The following CA12 variants were observed in gnomAD, a reference collection of about 807,000 sequenced individuals.
CA12 encodes the protein carbonic anhydrase 12, also known as carbonate dehydratase XII.
CA12 carries 36 observed loss-of-function variants against 46.8 expected under a neutral mutation model. That is an observed-to-expected ratio of 0.77 (90% CI 0.59 to 1.02). The LOEUF (loss-of-function observed/expected upper bound fraction) is 1.02, where lower values mean the gene tolerates loss of function less well. Ranked by LOEUF, CA12 falls within the 50% of genes least tolerant of loss-of-function variation. CA12 has a pLI of 0.00. For missense variants in CA12, 436 were observed against 451.4 expected, an observed-to-expected ratio of 0.97 and a Z score of 0.31; for synonymous variants, 202 against 187.0, an observed-to-expected ratio of 1.08 and a Z score of -0.65.
intron 2 of CA12, among the ~76,000 whole-genome samples, chr15:63,363,550 C>T (rs971968205): frequency 3.3e-5 from 5 of 152,212 alleles, no homozygotes; most frequent in Non-Finnish European, 7.3e-5. Flanking sequence ...CTTGGTCACC[C>T]TCTGTTCCTC....
intron 2 of CA12, among the ~76,000 whole-genome samples, chr15:63,357,121 C>T (rs1055447194): frequency 3.9e-5 from 6 of 152,150 alleles, no homozygotes; most frequent in African/African-American, 7.2e-5. Flanking sequence ...TGGAACCAAA[C>T]GTATGGCAGA....
chr15:63,344,027 T>TA (rs1406971225), intron 4 of CA12, among the ~76,000 whole-genome samples: 1 of 152,228 alleles, frequency 6.6e-6, no homozygotes, highest in African/African-American at 2.4e-5. Flanking sequence ...ATGGATAACT[T>TA]ATCTTCATGG....
rs893295172 is a variant in CA12, at chr15:63,377,235, G to A, written c.86-1557C>T. Among the ~76,000 whole-genome samples the A allele has an allele frequency of 5.3e-4, 81 of 152,130 alleles. 1 individual carries two copies. The highest frequency in any genetic ancestry group is 4.4e-5 in the Non-Finnish European group (3 of 68,012). ...GTGTGTCTCAGGTGACTCATCCAAT[G>A]AGGGGACTGTGCAACTCCTAAATCC... On this transcript the variant is annotated intron_variant, in intron 1 of 10. Coordinates refer to ENST00000178638, the MANE Select transcript of CA12 (RefSeq NM_001218.5).
rs925895536 is a variant in CA12, at chr15:63,328,306, A to G, written c.875-176T>C. Among the ~76,000 whole-genome samples, 6 of 151,276 alleles carry G rather than the reference A, an allele frequency of 4.0e-5. No homozygotes were observed. The highest frequency in any genetic ancestry group is 7.4e-5 in the Non-Finnish European group (5 of 67,988). On this transcript the variant is annotated intron_variant, in intron 8 of 10. Coordinates refer to ENST00000178638, the MANE Select transcript of CA12 (RefSeq NM_001218.5). This position sits in a 1 kb window ranked among gnomAD's most constrained non-coding sequence, Gnocchi z 5.9. ...AGTACAGGAAATTGCCCATCTAGGG[A>G]ATTCATACTGCAATCCCTCCTTCCG...
rs1595778821 is a variant in CA12, at chr15:63,339,666, G to A, written c.747+622C>T. Among the ~76,000 whole-genome samples the A allele has an allele frequency of 6.6e-6, 1 of 151,456 alleles. No individual in the cohort carries two copies. Among genetic ancestry groups the A allele is most frequent in the Non-Finnish European group, 1.5e-5 (1 of 67,888 alleles). The stretch of plus-strand genomic sequence containing the variant: ...AGGGTGTAGTGCTGGCCCCAGCCCC[G>A]TCTCCTGGGGAGCCATTTTTCTTCT... On this transcript the variant is annotated intron_variant, in intron 7 of 10. Coordinates refer to ENST00000178638, the MANE Select transcript of CA12 (RefSeq NM_001218.5). The surrounding 1 kb of genome is among the most constrained non-coding windows in gnomAD (Gnocchi z 4.3).
In CA12 at chr15:63,345,667, C is replaced by T. The variant is rs778080578; in HGVS notation, c.287-48G>A. 6.3e-7 allele frequency: 1 copy of T among 1,591,368 alleles called. No individual in the cohort carries two copies. ...CTTCAGAGCCCCGGCCAGCTGTGCA[C>T]TGCCAGAGAGCAGTCAGGTAGGCAA... On this transcript the variant is annotated intron_variant, in intron 3 of 10. Transcript: ENST00000178638. The surrounding 1 kb of genome is among the most constrained non-coding windows in gnomAD (Gnocchi z 4.3).
chr15:63,340,674 C>T lies in CA12; in HGVS notation c.589+46G>A, dbSNP rs2039066660. The T allele has an allele frequency of 6.3e-7, 1 of 1,582,770 alleles. No homozygotes were observed. The highest frequency in any genetic ancestry group is 8.7e-7 in the Non-Finnish European group (1 of 1,151,406). On this transcript the variant is annotated intron_variant, in intron 6 of 10. Transcript: ENST00000178638. This position sits in a 1 kb window ranked among gnomAD's most constrained non-coding sequence, Gnocchi z 4.4. ...TCTTAAAGTCACACAGGGCTGACTA[C>T]CTCCTTCTCCAGCAGAGAGTGAATA... is the stretch of plus-strand genomic sequence containing the variant.
At chr15:63,349,914 T>G (rs1425580157) in intron 2 of CA12, among the ~76,000 whole-genome samples, 1 of 152,186 alleles carries the variant, frequency 6.6e-6, no homozygotes, top group Non-Finnish European at 1.5e-5. Flanking sequence ...TGCACCCACC[T>G]TAATTCCCTC....
At chr15:63,364,099 A>T (rs2039402323) in intron 2 of CA12, among the ~76,000 whole-genome samples, 1 of 152,036 alleles carries the variant, frequency 6.6e-6, no homozygotes, top group African/African-American at 2.4e-5. Context: ...AGGTAGGAGA[A>T]TCGCTTGAAC....
Position 63,326,180 on chromosome 15 carries a change from T to G in CA12, c.*105A>C. 5 of 894,292 alleles carry G rather than the reference T, an allele frequency of 5.6e-6. No individual in the cohort carries two copies. The highest frequency in any genetic ancestry group is 7.5e-6 in the Non-Finnish European group (4 of 534,422). 55.4% of individuals were successfully genotyped at this position (894,292 alleles called of 1,614,324 possible). A position where few individuals can be genotyped will look rare whatever the true frequency, so the allele number is the denominator to read the frequency against. ...CCTGAGGCCTGGCATGTTTGCAGAT[T>G]GAGCTACAGAGAACACCTTGAGGTG... is the stretch of plus-strand genomic sequence containing the variant. On this transcript the variant is annotated 3_prime_UTR_variant, in exon 11 of 11. Coordinates refer to ENST00000178638, the MANE Select transcript of CA12 (RefSeq NM_001218.5).
At chr15:63,368,644 C>A (rs575344180) in intron 2 of CA12, among the ~76,000 whole-genome samples, 1 of 152,320 alleles carries the variant, frequency 6.6e-6, no homozygotes, top group African/African-American at 2.4e-5. Flanking sequence ...GAAGCCATGC[C>A]CTGCCCTCAC....
Position 63,345,374 on chromosome 15 carries a change from A to G in CA12, c.429+103T>C. 6.8e-7 allele frequency: 1 copy of G among 1,464,648 alleles called. No homozygotes were observed. The highest frequency in any genetic ancestry group is 9.3e-7 in the Non-Finnish European group (1 of 1,071,458). The allele number at this position is 1,464,648 out of a possible 1,614,324, so 90.7% of individuals were successfully genotyped here. A position where few individuals can be genotyped will look rare whatever the true frequency, so the allele number is the denominator to read the frequency against. ...GAGGTGGGGCAGAGAGCCTGAAGGC[A>G]GCCTGTCCCATGCTCTGGTGTTATC... On this transcript the variant is annotated intron_variant, in intron 4 of 10. Transcript: ENST00000178638. The surrounding 1 kb of genome is among the most constrained non-coding windows in gnomAD (Gnocchi z 4.3).
In CA12 at chr15:63,372,732, G is replaced by A. The variant is rs79429839; in HGVS notation, c.106+2926C>T. ...TGCCAGCTGCCAGCCAGGACCTAAG[G>A]AGGAGCTAGCCAAGACCTCAGGAGG... On this transcript the variant is annotated intron_variant, in intron 2 of 10. Coordinates refer to ENST00000178638, the MANE Select transcript of CA12 (RefSeq NM_001218.5). This position sits in a 1 kb window ranked among gnomAD's most constrained non-coding sequence, Gnocchi z 4.5. 3.2e-3 allele frequency among the ~76,000 whole-genome samples: 492 copies of A among 152,290 alleles called. 1 individual carries two copies. Among genetic ancestry groups the A allele is most frequent in the African/African-American group, 0.011 (474 of 41,546 alleles).
chr15:63,345,775 C>T lies in CA12; in HGVS notation c.287-156G>A, dbSNP rs1331678844. ...GTGAGGTGCGGAGCAGAGATGCAGCCTAAAGGTCAGACACCTGGGCTCTTT... is the reference window on the plus strand; with the variant it reads ...GTGAGGTGCGGAGCAGAGATGCAGCTTAAAGGTCAGACACCTGGGCTCTTT... On this transcript the variant is annotated intron_variant, in intron 3 of 10. Coordinates refer to ENST00000178638, the MANE Select transcript of CA12 (RefSeq NM_001218.5). This position sits in a 1 kb window ranked among gnomAD's most constrained non-coding sequence, Gnocchi z 4.3. Among the ~76,000 whole-genome samples, 2 of 152,188 alleles carry T rather than the reference C, an allele frequency of 1.3e-5. No homozygotes were observed. The highest frequency in any genetic ancestry group is 6.5e-5 in the Admixed American group (1 of 15,284).
chr15:63,337,819 C>T (rs1163482059), intron 8 of CA12, among the ~76,000 whole-genome samples: 3 of 152,246 alleles, frequency 2.0e-5, no homozygotes, highest in East Asian at 1.9e-4. Flanking sequence ...TCAGGTGATC[C>T]GCTTGCCTTG....
At chr15:63,376,292 A>C (rs2039569385) in intron 1 of CA12, among the ~76,000 whole-genome samples, 1 of 152,190 alleles carries the variant, frequency 6.6e-6, no homozygotes, top group Admixed American at 6.5e-5. Flanking sequence ...CAATAATTTC[A>C]TGTGGCTCAA....
At chr15:63,376,570 C>CTTTCTTTCTTTCTTTCTTTCTTTCTTTT in intron 1 of CA12, among the ~76,000 whole-genome samples, 1 of 111,454 alleles carries the variant, frequency 9.0e-6, no homozygotes, top group Non-Finnish European at 1.9e-5. Context: ...TTCTTTCTTT[C>CTTTCTTTCTTTCTTTCTTTCTTTCTTTT]TTTCTTTCTT....
intron 2 of CA12, among the ~76,000 whole-genome samples, chr15:63,351,618 G>A (rs541451544): frequency 1.1e-4 from 17 of 152,270 alleles, no homozygotes; most frequent in African/African-American, 2.6e-4. Context: ...CACAAATGCC[G>A]TTATGAAAAA....
intron 1 of CA12, among the ~76,000 whole-genome samples, chr15:63,380,496 T>C (rs957439694): frequency 6.6e-6 from 1 of 152,220 alleles, no homozygotes; most frequent in African/African-American, 2.4e-5. Flanking sequence ...AGTGCAGCTT[T>C]CGTAAAAGGA....
Sources: allele counts gnomAD v4.1 joint callset (sites outside exome capture counted in the v4.1 genomes callset), GRCh38; gene constraint gnomAD v4.1.1; non-coding constraint Gnocchi (gnomAD v3.1); transcripts MANE v1.5; gene names NCBI Gene and HGNC (gene_info 2026-07-23, HGNC 2026-07-21).